Variants in SHISA9 observed in about 807,000 individuals in gnomAD.
The protein encoded by SHISA9 is shisa family member 9, also known as protein shisa-9.
Under a neutral mutation model 38.0 loss-of-function variants are expected in SHISA9, and 13 were observed. That is an observed-to-expected ratio of 0.34 (90% CI 0.22 to 0.54). SHISA9 has a LOEUF of 0.54. Among genes scored for constraint, SHISA9 ranks in the 20% least tolerant of loss-of-function variants. The probability of loss-of-function intolerance (pLI) is 0.91; values close to 1 mark genes in which losing one functional copy is unlikely to be tolerated. For synonymous variants in SHISA9, 275 were observed against 242.0 expected, an observed-to-expected ratio of 1.14 and a Z score of -1.27; for missense variants, 538 against 575.8, an observed-to-expected ratio of 0.93 and a Z score of 0.67.
At chr16:13,251,694 T>A in the SHISA9 span, among the ~76,000 whole-genome samples, 1 of 152,186 alleles carries the variant, frequency 6.6e-6, no homozygotes, top group Non-Finnish European at 1.5e-5. Context: ...TGTTTCATTC[T>A]TCCAAGCCCC....
chr16:13,079,061 C>T (rs949170214), intron 2 of SHISA9, among the ~76,000 whole-genome samples: 1 of 152,172 alleles, frequency 6.6e-6, no homozygotes, highest in Non-Finnish European at 1.5e-5. Context: ...CTTTGATTCC[C>T]TCCTCTTTAA....
At chr16:13,477,929 C>T in the SHISA9 span, among the ~76,000 whole-genome samples, 1 of 152,142 alleles carries the variant, frequency 6.6e-6, no homozygotes, top group Non-Finnish European at 1.5e-5. Flanking sequence ...CACACCATTG[C>T]ACTGCAGCCT....
the SHISA9 span, among the ~76,000 whole-genome samples, chr16:13,344,043 C>CAG: frequency 6.6e-6 from 1 of 152,190 alleles, no homozygotes; most frequent in African/African-American, 2.4e-5. Flanking sequence ...GCCACAGCCT[C>CAG]AGGACTACTC....
the SHISA9 span, among the ~76,000 whole-genome samples, chr16:13,557,778 G>C: frequency 6.6e-6 from 1 of 152,074 alleles, no homozygotes; most frequent in Non-Finnish European, 1.5e-5. Context: ...GACTGTGCAG[G>C]TCTGTCATTC....
At chr16:12,930,279 T>G (rs1437804699) in intron 2 of SHISA9, among the ~76,000 whole-genome samples, 1 of 152,240 alleles carries the variant, frequency 6.6e-6, no homozygotes, top group Non-Finnish European at 1.5e-5. Flanking sequence ...CTATTACTTT[T>G]TCTTTGTCAA....
intron 2 of SHISA9, among the ~76,000 whole-genome samples, chr16:13,102,782 A>G (rs1167566901): frequency 6.6e-6 from 1 of 152,152 alleles, no homozygotes; most frequent in Non-Finnish European, 1.5e-5. Context: ...GTTAATCCCC[A>G]ATCAATATGT....
intron 2 of SHISA9, among the ~76,000 whole-genome samples, chr16:12,945,827 G>A (rs1212844654): frequency 1.3e-5 from 2 of 152,164 alleles, no homozygotes; most frequent in African/African-American, 4.8e-5. Flanking sequence ...CAGGTGTGGT[G>A]GCTCACACAT....
the SHISA9 span, among the ~76,000 whole-genome samples, chr16:13,433,368 A>G: frequency 6.6e-6 from 1 of 152,216 alleles, no homozygotes; most frequent in Admixed American, 6.5e-5. Flanking sequence ...TATTGTGAAA[A>G]TCAAATGGGT....
chr16:13,220,986 G>T (rs981735520), intron 4 of SHISA9, among the ~76,000 whole-genome samples: 3 of 151,354 alleles, frequency 2.0e-5, no homozygotes, highest in African/African-American at 7.3e-5. Flanking sequence ...CCTAGCAAAG[G>T]CTCCCTCCTC....
intron 2 of SHISA9, among the ~76,000 whole-genome samples, chr16:13,148,684 C>G (rs1202379417): frequency 1.2e-5 from 1 of 80,294 alleles, no homozygotes; most frequent in Non-Finnish European, 2.3e-5. Context: ...CTCACACATA[C>G]ACAAGCACAC....
intron 4 of SHISA9, among the ~76,000 whole-genome samples, chr16:13,229,567 A>G (rs550097886): frequency 9.2e-5 from 14 of 152,186 alleles, no homozygotes; most frequent in Non-Finnish European, 1.5e-4. Flanking sequence ...CTGGGCCACA[A>G]TCTCTGAAAT....
chr16:13,150,265 T>A (rs1160950044), intron 2 of SHISA9, among the ~76,000 whole-genome samples: 1 of 152,056 alleles, frequency 6.6e-6, no homozygotes, highest in Admixed American at 6.6e-5. Flanking sequence ...TGCCATCCTC[T>A]CCCTTGTTGG....
chr16:13,349,947 T>C, the SHISA9 span, among the ~76,000 whole-genome samples: 12 of 152,310 alleles, frequency 7.9e-5, no homozygotes, highest in African/African-American at 2.9e-4. Context: ...AAGGCCCCTG[T>C]GATGGTTAAT....
intron 2 of SHISA9, among the ~76,000 whole-genome samples, chr16:12,932,896 G>A (rs2141745403): frequency 6.6e-6 from 1 of 152,274 alleles, no homozygotes; most frequent in African/African-American, 2.4e-5. Context: ...AGCCATGTCT[G>A]CTGTGAGAAA....
intron 2 of SHISA9, among the ~76,000 whole-genome samples, chr16:13,037,078 AC>A (rs2073077892): frequency 2.9e-5 from 3 of 102,522 alleles, no homozygotes; most frequent in Admixed American, 2.2e-4. Context: ...ACACACACAC[AC>A]ACACCACACC....
At chr16:13,144,761 G>A (rs1433026632) in intron 2 of SHISA9, among the ~76,000 whole-genome samples, 3 of 152,082 alleles carry the variant, frequency 2.0e-5, no homozygotes, top group Non-Finnish European at 2.9e-5. Flanking sequence ...GGAGGGCAGC[G>A]GAAGCCGCCA....
intron 2 of SHISA9, among the ~76,000 whole-genome samples, chr16:13,024,081 A>G (rs2141869536): frequency 6.6e-6 from 1 of 152,316 alleles, no homozygotes; most frequent in South Asian, 2.1e-4. Flanking sequence ...CATCTCCATT[A>G]ATCCTCACTA....
the SHISA9 span, among the ~76,000 whole-genome samples, chr16:13,275,139 T>A: frequency 3.9e-5 from 6 of 152,272 alleles, no homozygotes; most frequent in South Asian, 1.2e-3. Context: ...ACTGTGAAGA[T>A]CAAGTGTGGT....
intron 2 of SHISA9, among the ~76,000 whole-genome samples, chr16:13,181,088 A>G (rs991538163): frequency 1.3e-5 from 2 of 151,948 alleles, no homozygotes; most frequent in African/African-American, 4.8e-5. Flanking sequence ...GTATCAAATA[A>G]TCCTGCAAAT....
Sources: allele counts gnomAD v4.1 joint callset (sites outside exome capture counted in the v4.1 genomes callset), GRCh38; gene constraint gnomAD v4.1.1; transcripts MANE v1.5; gene names NCBI Gene and HGNC (gene_info 2026-07-23, HGNC 2026-07-21).